The following TANC2 variants were observed in gnomAD, a reference collection of about 807,000 sequenced individuals.
The protein encoded by TANC2 is protein TANC2.
A neutral mutation model predicts 210.5 loss-of-function variants in TANC2; 26 were observed. That is an observed-to-expected ratio of 0.12 (90% CI 0.09 to 0.17). TANC2 has a LOEUF of 0.17. Ranked by LOEUF, TANC2 falls within the 10% of genes least tolerant of loss-of-function variation. TANC2 has a pLI of 1.00. For missense variants in TANC2, 2,129 were observed against 2,608.9 expected, an observed-to-expected ratio of 0.82 and a Z score of 4.01; for synonymous variants, 931 against 967.1, an observed-to-expected ratio of 0.96 and a Z score of 0.69.
intron 14 of TANC2, among the ~76,000 whole-genome samples, chr17:63,361,662 G>A (rs930794285): frequency 3.3e-5 from 5 of 152,240 alleles, no homozygotes; most frequent in Non-Finnish European, 7.3e-5. Flanking sequence ...TCAAAGAACT[G>A]CAGCTCTTCT....
chr17:63,149,161 A>ACT (rs367810529), intron 4 of TANC2: 2 of 151,770 alleles, frequency 1.3e-5, no homozygotes, highest in African/African-American at 4.8e-5. Context: ...ATCTAAAATA[A>ACT]CTCTCTTTGC....
In TANC2 at chr17:63,298,352, ATAT is replaced by A. The variant is rs145888088; in HGVS notation, c.1160-16031_1160-16029del. Among the ~76,000 whole-genome samples, 38 of 152,332 alleles carry A rather than the reference ATAT, an allele frequency of 2.5e-4. No individual in the cohort carries two copies. In the East Asian group the frequency reaches 5.6e-3, roughly 22 times the overall value. ...GCATCATGGTATATATGTACAATGTATATTATTCAGCCATCAAAAGGAATGAAG... is the reference window on the plus strand; with the variant it reads ...GCATCATGGTATATATGTACAATGTATATTCAGCCATCAAAAGGAATGAAG... On this transcript the variant is annotated intron_variant, in intron 9 of 27. Coordinates refer to ENST00000689528, the Ensembl canonical transcript of TANC2.
intron 9 of TANC2, among the ~76,000 whole-genome samples, chr17:63,297,543 A>G (rs1375001151): frequency 6.6e-6 from 1 of 152,122 alleles, no homozygotes; most frequent in East Asian, 1.9e-4. Context: ...CTCACACCAT[A>G]CAGAAAACTC....
At chr17:62,991,247 C>T (rs950675203) in intron 1 of TANC2, among the ~76,000 whole-genome samples, 6 of 152,054 alleles carry the variant, frequency 3.9e-5, no homozygotes, top group Non-Finnish European at 8.8e-5. Flanking sequence ...GAATTTTATG[C>T]ATGTTTTATG....
At chr17:63,170,906 A>G (rs1430363097) in intron 5 of TANC2, among the ~76,000 whole-genome samples, 1 of 152,096 alleles carries the variant, frequency 6.6e-6, no homozygotes, top group African/African-American at 2.4e-5. Flanking sequence ...AGTTTTGCCT[A>G]TCATTGTTAT....
At chr17:63,171,566 ATTTC>A (rs1256474590) in intron 5 of TANC2, among the ~76,000 whole-genome samples, 1 of 152,180 alleles carries the variant, frequency 6.6e-6, no homozygotes. Context: ...CAACTGGAGA[ATTTC>A]TTTAAGGGTT....
At chr17:63,137,088 A>T (rs930143082) in intron 4 of TANC2, among the ~76,000 whole-genome samples, 1 of 152,112 alleles carries the variant, frequency 6.6e-6, no homozygotes, top group African/African-American at 2.4e-5. Flanking sequence ...TTTATTTTTT[A>T]TTTTTTATTT....
At chr17:63,304,960 A>G (rs1460888391) in intron 9 of TANC2, among the ~76,000 whole-genome samples, 1 of 152,214 alleles carries the variant, frequency 6.6e-6, no homozygotes, top group Non-Finnish European at 1.5e-5. Context: ...GCCTGGAGCT[A>G]TAGAGATGGC....
At chr17:63,103,607 T>C (rs537397490) in intron 4 of TANC2, among the ~76,000 whole-genome samples, 1 of 152,340 alleles carries the variant, frequency 6.6e-6, no homozygotes, top group South Asian at 2.1e-4. Context: ...TGGGTGTTTG[T>C]CTTATTCTTA....
At chr17:63,337,815 C>G (rs1408996412) in intron 11 of TANC2, among the ~76,000 whole-genome samples, 1 of 152,146 alleles carries the variant, frequency 6.6e-6, no homozygotes, top group Non-Finnish European at 1.5e-5. Flanking sequence ...TTTCCCTCTA[C>G]ATGCCTATGT....
In TANC2 at chr17:63,140,458, G is replaced by A. The variant is rs190445487; in HGVS notation, c.323-10812G>A. On this transcript the variant is annotated intron_variant, in intron 4 of 27. Transcript: ENST00000689528. ...AATCTTGTAGTTTCACTATCTCAACGTGAGACTTTCATCATGATTTTTCTG... is the reference window on the plus strand; with the variant it reads ...AATCTTGTAGTTTCACTATCTCAACATGAGACTTTCATCATGATTTTTCTG... Among the ~76,000 whole-genome samples, 7 of 152,272 alleles carry A rather than the reference G, an allele frequency of 4.6e-5. No homozygotes were observed. The East Asian group carries it at 5.8e-4, about 13-fold the overall frequency.
chr17:63,348,015 A>C (rs1014837423), intron 12 of TANC2, among the ~76,000 whole-genome samples: 9 of 152,042 alleles, frequency 5.9e-5, no homozygotes, highest in African/African-American at 1.9e-4. Context: ...CAGTCCTCCC[A>C]CCTCAGCCTC....
At chr17:63,240,717 A>G (rs1312076996) in intron 8 of TANC2, among the ~76,000 whole-genome samples, 3 of 152,222 alleles carry the variant, frequency 2.0e-5, no homozygotes, top group Admixed American at 6.5e-5. Context: ...ACTAACCACC[A>G]GACAGTAATA....
chr17:63,158,033 A>T (rs1159771040), intron 5 of TANC2, among the ~76,000 whole-genome samples: 1 of 152,176 alleles, frequency 6.6e-6, no homozygotes, highest in Non-Finnish European at 1.5e-5. Context: ...TACTGTAGTT[A>T]TTGGGCATCT....
intron 4 of TANC2, among the ~76,000 whole-genome samples, chr17:63,106,966 C>T (rs1223011854): frequency 6.6e-6 from 1 of 151,424 alleles, no homozygotes; most frequent in African/African-American, 2.5e-5. Context: ...TGTCTTCCTA[C>T]CTCTATTCAG....
At chr17:62,972,778 G>A (rs2031774639) in intron 1 of TANC2, among the ~76,000 whole-genome samples, 1 of 152,160 alleles carries the variant, frequency 6.6e-6, no homozygotes, top group South Asian at 2.1e-4. Context: ...AAGTGCTTTA[G>A]CGGTAGTAAA....
intron 15 of TANC2, among the ~76,000 whole-genome samples, chr17:63,387,089 A>G (rs2047807396): frequency 6.6e-6 from 1 of 152,094 alleles, no homozygotes. Context: ...GGCCCAAGCA[A>G]TCCTCCCACC....
intron 1 of TANC2, among the ~76,000 whole-genome samples, chr17:63,007,398 T>C (rs1352869025): frequency 6.6e-6 from 1 of 152,206 alleles, no homozygotes; most frequent in Non-Finnish European, 1.5e-5. Flanking sequence ...TTTCCTGTCA[T>C]TTTGCATTCA....
At chr17:63,343,885 G>C (rs552636144) in intron 12 of TANC2, among the ~76,000 whole-genome samples, 27 of 152,178 alleles carry the variant, frequency 1.8e-4, no homozygotes, top group Admixed American at 7.2e-4. Flanking sequence ...AACAGAATGA[G>C]ACCTGGTCTC....
Sources: gnomAD v4.1 joint callset for allele counts (sites outside exome capture counted in the v4.1 genomes callset) on GRCh38, gnomAD v4.1.1 for gene constraint, MANE v1.5 for transcripts, NCBI Gene and HGNC (gene_info 2026-07-23, HGNC 2026-07-21) for gene names.